LMBR1: variants seen among roughly 807,000 people sequenced by gnomAD.
The protein encoded by LMBR1 is limb region 1 protein homolog.
LMBR1 carries 52 observed loss-of-function variants against 73.9 expected under a neutral mutation model. The observed-to-expected ratio is 0.70, with a 90% CI of 0.56 to 0.89. The LOEUF (loss-of-function observed/expected upper bound fraction) is 0.89. LMBR1 is among the 40% of genes least tolerant of loss of function. The pLI, the probability that LMBR1 is intolerant of heterozygous loss-of-function variation, is 0.00. For missense variants in LMBR1, 539 were observed against 579.8 expected (o/e 0.93, Z 0.72); for synonymous variants, 215 against 209.4 (o/e 1.03, Z -0.23).
At chr7:156,834,437 CA>C (rs1204520573) in intron 2 of LMBR1, 3 of 186,038 alleles carry the variant, frequency 1.6e-5, no homozygotes, top group South Asian at 1.7e-4. Context: ...TCCATCTTTA[CA>C]AAAAAATTTT....
chr7:156,735,873 CAGTT>C (rs1817767829), intron 9 of LMBR1, among the ~76,000 whole-genome samples: 1 of 152,076 alleles, frequency 6.6e-6, no homozygotes, highest in South Asian at 2.1e-4. Context: ...TCAACTGTAT[CAGTT>C]AGAGTTCATT....
At chr7:156,711,610 A>G (rs1436893217) in intron 15 of LMBR1, among the ~76,000 whole-genome samples, 2 of 152,206 alleles carry the variant, frequency 1.3e-5, no homozygotes, top group African/African-American at 4.8e-5. Context: ...TTATACAACA[A>G]GGATACAGTA....
chr7:156,745,210 T>C (rs1819625063), intron 9 of LMBR1, among the ~76,000 whole-genome samples: 1 of 152,174 alleles, frequency 6.6e-6, no homozygotes, highest in Admixed American at 6.5e-5. Flanking sequence ...TCAGCATCAG[T>C]CTTTTTCTGT....
chr7:156,736,471 G>A (rs1188131931), intron 9 of LMBR1: 1 of 455,782 alleles, frequency 2.2e-6, no homozygotes, highest in East Asian at 7.0e-5. Flanking sequence ...CATGCACATA[G>A]CTCAAAGTGT....
chr7:156,730,432 T>C (rs1442827601), intron 10 of LMBR1, among the ~76,000 whole-genome samples: 1 of 152,132 alleles, frequency 6.6e-6, no homozygotes. Flanking sequence ...TATCCTAGTA[T>C]GAAGGAAGGA....
chr7:156,740,187 T>G (rs1162005029), intron 9 of LMBR1, among the ~76,000 whole-genome samples: 1 of 151,832 alleles, frequency 6.6e-6, no homozygotes, highest in Non-Finnish European at 1.5e-5. Context: ...ACAGGCTGTT[T>G]GAAAATACAT....
rs535380697 is a variant in LMBR1 at position 156,718,664 on chromosome 7, G to A, written c.1225+5448C>T. 1.2e-4 allele frequency among the ~76,000 whole-genome samples: 18 copies of A among 152,218 alleles called. No homozygotes were observed. In the South Asian group the frequency reaches 3.3e-3, roughly 28 times the overall value. On this transcript the variant is annotated intron_variant, in intron 15 of 16. Coordinates refer to ENST00000353442, the MANE Select transcript of LMBR1 (RefSeq NM_022458.4). ...AGGTGGGAGGACTGCTTGAGCCCAG[G>A]AAGTTGAGGCTGCAGTGAGCTATGA...
Position 156,679,623 on chromosome 7 carries a change from A to C in LMBR1, c.*4455T>G, listed in dbSNP as rs947039224. ...AGGAGAAGACATTACAACAGCCACA[A>C]AACAGTTTTAGTAACTGTTAAAACT... On this transcript the variant is annotated 3_prime_UTR_variant, in exon 17 of 17. Transcript: ENST00000353442. The C allele has an allele frequency of 6.6e-6, 1 of 152,244 alleles. No homozygotes were observed. The highest frequency in any genetic ancestry group is 2.4e-5 in the African/African-American group (1 of 41,442). 9.4% of individuals were successfully genotyped at this position (152,244 alleles called of 1,614,324 possible). A position where few individuals can be genotyped will look rare whatever the true frequency, so the allele number is the denominator to read the frequency against.
At chr7:156,854,041 CAT>C (rs1796609864) in intron 1 of LMBR1, among the ~76,000 whole-genome samples, 2 of 150,664 alleles carry the variant, frequency 1.3e-5, no homozygotes, top group African/African-American at 4.9e-5. Flanking sequence ...GTAAATCAGA[CAT>C]AAAGGTAAAA....
chr7:156,730,030 T>C (rs577005608), intron 10 of LMBR1, among the ~76,000 whole-genome samples: 1 of 152,282 alleles, frequency 6.6e-6, no homozygotes, highest in Non-Finnish European at 1.5e-5. Flanking sequence ...TTTCCCAATA[T>C]ATAAATGGCA....
chr7:156,762,231 C>A (rs372274928), intron 7 of LMBR1, 33 bp from the exon 8 acceptor site: 3 of 1,416,848 alleles, frequency 2.1e-6, no homozygotes, highest in Admixed American at 1.7e-5. Context: ...AGACAGAAAG[C>A]GACATTATAG....
chr7:156,730,794 AG>A (rs1242835382), intron 10 of LMBR1, among the ~76,000 whole-genome samples: 1 of 152,104 alleles, frequency 6.6e-6, no homozygotes, highest in Non-Finnish European at 1.5e-5. Flanking sequence ...AAAATTAGCC[AG>A]GCATGGTGGC....
At chr7:156,851,902 T>G (rs1796291457) in intron 1 of LMBR1, among the ~76,000 whole-genome samples, 1 of 152,182 alleles carries the variant, frequency 6.6e-6, no homozygotes, top group African/African-American at 2.4e-5. Flanking sequence ...ACAATAAAAT[T>G]TATTCTAATA....
chr7:156,809,880 T>C (rs1210043427), intron 4 of LMBR1, among the ~76,000 whole-genome samples: 4 of 152,324 alleles, frequency 2.6e-5, no homozygotes, highest in Admixed American at 6.5e-5. Flanking sequence ...TTCTTGTACA[T>C]AGAACTGGTT....
intron 15 of LMBR1, among the ~76,000 whole-genome samples, chr7:156,706,145 A>C (rs1810875194): frequency 6.6e-6 from 1 of 151,398 alleles, no homozygotes. Context: ...ACAGACTTTA[A>C]ATCAAAAACA....
intron 1 of LMBR1, among the ~76,000 whole-genome samples, chr7:156,844,183 G>C (rs1163739659): frequency 6.6e-6 from 1 of 151,968 alleles, no homozygotes; most frequent in African/African-American, 2.4e-5. Context: ...AAATTAGCCA[G>C]GATGGTGGTA....
intron 10 of LMBR1, among the ~76,000 whole-genome samples, chr7:156,730,747 C>A (rs1340731608): frequency 1.3e-5 from 2 of 152,080 alleles, no homozygotes; most frequent in African/African-American, 4.8e-5. Flanking sequence ...ACCAGCCTGG[C>A]CAACATGGTA....
intron 1 of LMBR1, among the ~76,000 whole-genome samples, chr7:156,891,212 ATATATATATAT>A (rs1213822526): frequency 6.3e-4 from 28 of 44,426 alleles, no homozygotes; most frequent in Non-Finnish European, 1.0e-3. Flanking sequence ...AAAAAAAAAA[ATATATATATAT>A]ATATATATAT....
intron 5 of LMBR1, among the ~76,000 whole-genome samples, chr7:156,774,195 T>C (rs563888167): frequency 2.6e-5 from 4 of 152,210 alleles, no homozygotes; most frequent in East Asian, 1.9e-4. Context: ...ATGGCTATTA[T>C]TAAAAAGTCA....
Sources: gnomAD v4.1 joint callset for allele counts (sites outside exome capture counted in the v4.1 genomes callset) on GRCh38, gnomAD v4.1.1 for gene constraint, MANE v1.5 for transcripts, NCBI Gene and HGNC (gene_info 2026-07-23, HGNC 2026-07-21) for gene names.